RTL4: variants seen among roughly 807,000 people sequenced by gnomAD.
RTL4 encodes the protein retrotransposon Gag-like protein 4.
Under a neutral mutation model 5.3 loss-of-function variants are expected in RTL4, and 4 were observed. The observed-to-expected ratio is 0.75, with a 90% CI of 0.37 to 1.72. The LOEUF is 1.72. Ranked by LOEUF, RTL4 falls within the 40% of genes most tolerant of loss-of-function variation. The pLI, the probability that RTL4 is intolerant of heterozygous loss-of-function variation, is 0.04. For synonymous variants in RTL4, 98 were observed against 87.3 expected (o/e 1.12, Z -0.68); for missense variants, 260 against 227.1 (o/e 1.14, Z -0.93).
chrX:112,282,286 T>C, the RTL4 span, among the ~76,000 whole-genome samples: 1 of 112,149 alleles, frequency 8.9e-6, no homozygotes, highest in East Asian at 2.8e-4. Flanking sequence ...TAAAAATCAA[T>C]TGACCATAAA....
chrX:112,176,326 G>A, the RTL4 span, among the ~76,000 whole-genome samples: 3 of 111,959 alleles, frequency 2.7e-5, no homozygotes, highest in African/African-American at 6.5e-5. Context: ...TTCAATTTTC[G>A]TTTCTCAGTA....
At chrX:112,336,705 A>G in the RTL4 span, among the ~76,000 whole-genome samples, 2 of 112,028 alleles carry the variant, frequency 1.8e-5, no homozygotes, top group Non-Finnish European at 3.8e-5. Flanking sequence ...GCTAGTGGCC[A>G]CTCTACTGGA....
At chrX:112,344,050 T>C in the RTL4 span, among the ~76,000 whole-genome samples, 99 of 112,428 alleles carry the variant, frequency 8.8e-4, no homozygotes, top group African/African-American at 3.2e-3. Flanking sequence ...TGGTACATTA[T>C]TCTTTCATAT....
chrX:112,113,645 A>T, the RTL4 span, among the ~76,000 whole-genome samples: 1 of 111,628 alleles, frequency 9.0e-6, no homozygotes, highest in South Asian at 3.8e-4. Context: ...TTGTTGAATC[A>T]TCTGGTTGTG....
At chrX:112,281,196 A>T in the RTL4 span, among the ~76,000 whole-genome samples, 1 of 111,905 alleles carries the variant, frequency 8.9e-6, no homozygotes, top group East Asian at 2.8e-4. Flanking sequence ...TACTTTTATG[A>T]GTTCAACATT....
upstream of RTL4, among the ~76,000 whole-genome samples, chrX:112,451,941 G>A (rs189607993): frequency 5.7e-4 from 64 of 111,620 alleles, no homozygotes; most frequent in African/African-American, 2.0e-3. Context: ...AAGAGCCACC[G>A]GCATCAGAAA....
the RTL4 span, among the ~76,000 whole-genome samples, chrX:112,349,470 C>T: frequency 9.1e-6 from 1 of 109,564 alleles, no homozygotes; most frequent in South Asian, 4.0e-4. Context: ...GCCATTTTCA[C>T]GATATTGATT....
At chrX:112,126,027 C>G in the RTL4 span, among the ~76,000 whole-genome samples, 1 of 111,204 alleles carries the variant, frequency 9.0e-6, no homozygotes, top group African/African-American at 3.3e-5. Context: ...CGATACTATC[C>G]CTATTAAAGT....
the RTL4 span, among the ~76,000 whole-genome samples, chrX:112,133,107 T>G: frequency 8.9e-6 from 1 of 112,082 alleles, no homozygotes; most frequent in African/African-American, 3.2e-5. Context: ...GGAAAGAATG[T>G]TGGACAAAGA....
At chrX:112,418,023 G>A in the RTL4 span, among the ~76,000 whole-genome samples, 1 of 110,622 alleles carries the variant, frequency 9.0e-6, no homozygotes, top group South Asian at 3.9e-4. Flanking sequence ...TGGCATGTGC[G>A]TGTAGTCCTA....
the RTL4 span, among the ~76,000 whole-genome samples, chrX:112,152,109 G>C: frequency 5.5e-3 from 619 of 111,575 alleles, no homozygotes; most frequent in Non-Finnish European, 9.0e-3. Context: ...GTTGAAATGA[G>C]AGGGCTACCT....
chrX:112,441,803 A>C, the RTL4 span, among the ~76,000 whole-genome samples: 4 of 112,238 alleles, frequency 3.6e-5, no homozygotes, highest in Non-Finnish European at 7.5e-5. Context: ...AGAGGAAAAA[A>C]GAAAATTTAT....
the RTL4 span, among the ~76,000 whole-genome samples, chrX:112,147,004 A>T: frequency 9.4e-6 from 1 of 106,549 alleles, no homozygotes; most frequent in African/African-American, 3.4e-5. Context: ...GGTACACACT[A>T]TTATTCTCGT....
the RTL4 span, among the ~76,000 whole-genome samples, chrX:112,326,945 C>G: frequency 6.0e-3 from 671 of 111,577 alleles, 5 homozygotes; most frequent in African/African-American, 0.021. Flanking sequence ...AACTGAGGGT[C>G]CTGTCTGTTA....
At chrX:112,106,020 C>T in the RTL4 span, among the ~76,000 whole-genome samples, 1 of 111,746 alleles carries the variant, frequency 8.9e-6, no homozygotes, top group Non-Finnish European at 1.9e-5. Flanking sequence ...ATGGGTTTGT[C>T]ATAGGTTAAC....
the RTL4 span, among the ~76,000 whole-genome samples, chrX:112,392,732 C>G: frequency 3.8e-4 from 42 of 111,459 alleles, no homozygotes; most frequent in African/African-American, 1.2e-3. Flanking sequence ...AGTTGGAAAA[C>G]TTTGTCAGTT....
At chrX:112,147,981 C>A in the RTL4 span, among the ~76,000 whole-genome samples, 21 of 111,390 alleles carry the variant, frequency 1.9e-4, no homozygotes, top group Non-Finnish European at 1.5e-4. Context: ...GGTAATTCAT[C>A]ATCTGATTAC....
At chrX:112,379,730 T>C in the RTL4 span, among the ~76,000 whole-genome samples, 9 of 112,256 alleles carry the variant, frequency 8.0e-5, no homozygotes, top group African/African-American at 2.3e-4. Flanking sequence ...TAGTTGTTGA[T>C]ATTTATCACA....
chrX:112,234,157 A>G, the RTL4 span, among the ~76,000 whole-genome samples: 3 of 110,915 alleles, frequency 2.7e-5, no homozygotes, highest in East Asian at 8.5e-4. Flanking sequence ...GCGCCACTGC[A>G]CTCTAGCCTG....
Sources: allele counts gnomAD v4.1 joint callset (sites outside exome capture counted in the v4.1 genomes callset), GRCh38; gene constraint gnomAD v4.1.1; transcripts MANE v1.5; gene names NCBI Gene and HGNC (gene_info 2026-07-23, HGNC 2026-07-21).